KAZN: variants seen among roughly 807,000 people sequenced by gnomAD.
KAZN encodes the protein kazrin.
In KAZN, 40 loss-of-function variants were observed where a neutral mutation model predicts 87.4. The observed-to-expected ratio is 0.46, with a 90% CI of 0.36 to 0.60. KAZN has a LOEUF of 0.60. KAZN is among the 20% of genes least tolerant of loss of function. The probability of loss-of-function intolerance (pLI) is 0.00; values close to 1 mark genes in which losing one functional copy is unlikely to be tolerated. For synonymous variants in KAZN, 466 were observed against 458.3 expected (o/e 1.02, Z -0.22); for missense variants, 898 against 1,073.9 (o/e 0.84, Z 2.29).
chr1:13,937,914 T>C (rs1480323587), intron 1 of KAZN, among the ~76,000 whole-genome samples: 1 of 152,232 alleles, frequency 6.6e-6, no homozygotes, highest in Non-Finnish European at 1.5e-5. Context: ...ACCATGCTGT[T>C]ATAAACTTGT....
At chr1:14,707,421 T>G (rs1642266791) in intron 1 of KAZN, among the ~76,000 whole-genome samples, 1 of 152,204 alleles carries the variant, frequency 6.6e-6, no homozygotes, top group African/African-American at 2.4e-5. Flanking sequence ...GAAACCACTG[T>G]CCTGTCCCGA....
At chr1:14,958,915 T>TC (rs1351384205) in intron 1 of KAZN, among the ~76,000 whole-genome samples, 1 of 152,116 alleles carries the variant, frequency 6.6e-6, no homozygotes, top group African/African-American at 2.4e-5. Flanking sequence ...TGCGGCGCCT[T>TC]CGTCTGTTCA....
intron 1 of KAZN, among the ~76,000 whole-genome samples, chr1:14,177,199 T>C (rs1646096685): frequency 6.6e-6 from 1 of 152,208 alleles, no homozygotes; most frequent in African/African-American, 2.4e-5. Context: ...CTGCTTATTC[T>C]TTGTGCTGTT....
Position 14,445,650 on chromosome 1 carries a change from G to C in KAZN, c.250-153333G>C, listed in dbSNP as rs148435335. On this transcript the variant is annotated intron_variant, in intron 2 of 16. Transcript: ENST00000636203. ...CATGGTGGTCTGGGAAGCCTGGCTG[G>C]TGATTAGGAAAGTGAAGGCAGTCAG... Among the ~76,000 whole-genome samples, 80 of 152,280 alleles carry C rather than the reference G, an allele frequency of 5.3e-4. 3 individuals carry two copies. The Middle Eastern group carries it at 0.01, about 19-fold the overall frequency.
intron 2 of KAZN, among the ~76,000 whole-genome samples, chr1:14,275,444 CTG>C (rs60684981): frequency 0.089 from 12,160 of 136,762 alleles, 596 homozygotes; most frequent in African/African-American, 0.16. Flanking sequence ...GTGGTAAATA[CTG>C]TGTGTGTGTG....
chr1:14,018,664 G>A (rs374449629), intron 1 of KAZN, among the ~76,000 whole-genome samples: 11 of 152,200 alleles, frequency 7.2e-5, no homozygotes, highest in African/African-American at 1.9e-4. Flanking sequence ...TCTACTGGGG[G>A]CCTGGATAGA....
In KAZN at chr1:14,990,303, A is replaced by G. The variant is rs571311403; in HGVS notation, c.418+29428A>G. ...AGTGGAGCGATCTCCGCTCACTGCAACCTCCACCTCCCAGGCTCAAGCAGT... is the reference window on the plus strand; with the variant it reads ...AGTGGAGCGATCTCCGCTCACTGCAGCCTCCACCTCCCAGGCTCAAGCAGT... On this transcript the variant is annotated intron_variant, in intron 2 of 14. Transcript: ENST00000376030. 2.6e-5 allele frequency among the ~76,000 whole-genome samples: 4 copies of G among 151,980 alleles called. No homozygotes were observed. The East Asian group carries it at 7.7e-4, about 29-fold the overall frequency.
intron 1 of KAZN, among the ~76,000 whole-genome samples, chr1:14,842,245 T>TGGTC (rs931579484): frequency 2.0e-4 from 30 of 152,252 alleles, no homozygotes; most frequent in African/African-American, 7.0e-4. Flanking sequence ...ACATAATAGG[T>TGGTC]GGTCATTCAT....
chr1:14,722,163 G>T (rs6673796), intron 1 of KAZN, among the ~76,000 whole-genome samples: 1 of 84,352 alleles, frequency 1.2e-5, no homozygotes, highest in Non-Finnish European at 3.6e-5. Flanking sequence ...AAAAAAAAAA[G>T]AATAAAAAAT....
chr1:14,812,970 C>A (rs574116719), intron 1 of KAZN, among the ~76,000 whole-genome samples: 19 of 152,276 alleles, frequency 1.2e-4, no homozygotes, highest in Admixed American at 3.9e-4. Flanking sequence ...TGAAGACATG[C>A]CCTATTAGCT....
chr1:14,829,217 G>A (rs1315285549), intron 1 of KAZN, among the ~76,000 whole-genome samples: 1 of 152,222 alleles, frequency 6.6e-6, no homozygotes, highest in Non-Finnish European at 1.5e-5. Flanking sequence ...TGATAGGCAT[G>A]AATAACAGAG....
At chr1:15,104,872 A>G (rs1641241814) in intron 13 of KAZN, among the ~76,000 whole-genome samples, 1 of 152,192 alleles carries the variant, frequency 6.6e-6, no homozygotes, top group East Asian at 1.9e-4. Context: ...ACTTCTTCAA[A>G]GGTACCAAGC....
chr1:14,242,149 C>T (rs915293457), intron 2 of KAZN, among the ~76,000 whole-genome samples: 1 of 152,160 alleles, frequency 6.6e-6, no homozygotes, highest in South Asian at 2.1e-4. Context: ...ATATGTTATA[C>T]TGCTATACTT....
intron 2 of KAZN, among the ~76,000 whole-genome samples, chr1:14,531,818 G>A (rs75003443): frequency 0.024 from 3,693 of 152,186 alleles, 89 homozygotes; most frequent in South Asian, 0.091. Flanking sequence ...CTTACTATTT[G>A]CAAAATGTTT....
Position 15,101,220 on chromosome 1 carries a change from C to T in KAZN, c.1548-323C>T, listed in dbSNP as rs1641054362. Among the ~76,000 whole-genome samples, 4 of 148,048 alleles carry T rather than the reference C, an allele frequency of 2.7e-5. No individual in the cohort carries two copies. In the South Asian group the frequency reaches 8.6e-4, roughly 32 times the overall value. The stretch of plus-strand genomic sequence containing the variant: ...CCTCTTTGTTCTTCTCTATCTCCCT[C>T]TGCTCCTTTCTCTCAGTGTCTCTCT... On this transcript the variant is annotated intron_variant, in intron 10 of 14. Transcript: ENST00000376030.
At chr1:14,253,726 C>T (rs1650254702) in intron 2 of KAZN, among the ~76,000 whole-genome samples, 1 of 152,100 alleles carries the variant, frequency 6.6e-6, no homozygotes, top group Non-Finnish European at 1.5e-5. Flanking sequence ...CTGTAGCCTC[C>T]TTTATTCTCC....
intron 2 of KAZN, among the ~76,000 whole-genome samples, chr1:14,531,532 A>T (rs528455049): frequency 2.0e-5 from 3 of 152,088 alleles, no homozygotes; most frequent in South Asian, 2.1e-4. Flanking sequence ...TCTCAGGGAG[A>T]GGGTGTAGAA....
intron 1 of KAZN, among the ~76,000 whole-genome samples, chr1:14,604,467 G>A (rs578194015): frequency 9.9e-5 from 15 of 152,230 alleles, no homozygotes; most frequent in East Asian, 5.8e-4. Context: ...GGAAAGGAAC[G>A]CCTTCTTCCT....
chr1:15,053,764 C>G (rs779012298), intron 4 of KAZN, among the ~76,000 whole-genome samples: 8 of 152,238 alleles, frequency 5.3e-5, no homozygotes, highest in Admixed American at 1.3e-4. Context: ...CAACCCAGCA[C>G]TGTTGCACAG....
Sources: gnomAD v4.1 joint callset for allele counts (sites outside exome capture counted in the v4.1 genomes callset) on GRCh38, gnomAD v4.1.1 for gene constraint, MANE v1.5 for transcripts, NCBI Gene and HGNC (gene_info 2026-07-23, HGNC 2026-07-21) for gene names.